The following PGM2 variants were observed in gnomAD, a reference collection of about 807,000 sequenced individuals.
PGM2 encodes the protein phosphoglucomutase 2.
Under a neutral mutation model 74.6 loss-of-function variants are expected in PGM2, and 57 were observed. The observed-to-expected ratio is 0.76, with a 90% CI of 0.62 to 0.95. The LOEUF (loss-of-function observed/expected upper bound fraction) is 0.95, where lower values mean the gene tolerates loss of function less well. Ranked by LOEUF, PGM2 falls within the 40% of genes least tolerant of loss-of-function variation. PGM2 has a pLI of 0.00. For synonymous variants in PGM2, 273 were observed against 260.7 expected (o/e 1.05, Z -0.46); for missense variants, 706 against 741.9 (o/e 0.95, Z 0.56).
intron 2 of PGM2, 68 bp from the exon 3 acceptor site, chr4:37,834,550 A>C (rs1725515275): frequency 1.3e-5 from 10 of 781,196 alleles, no homozygotes; most frequent in Middle Eastern, 2.5e-4. Flanking sequence ...ATTTTTGGCT[A>C]ATTTTTCTAT....
At chr4:37,831,565 T>C (rs928286894) in intron 2 of PGM2, among the ~76,000 whole-genome samples, 1 of 152,206 alleles carries the variant, frequency 6.6e-6, no homozygotes, top group Non-Finnish European at 1.5e-5. Flanking sequence ...TCTGAAATTA[T>C]TACTGGCTAT....
At chr4:37,844,214 T>C (rs1317380018) in intron 6 of PGM2, 150 bp from the exon 7 acceptor site, 1 of 536,230 alleles carries the variant, frequency 1.9e-6, no homozygotes, top group African/African-American at 1.9e-5. Context: ...AGGGAAGGAA[T>C]ATATATATCT....
intron 7 of PGM2, 62 bp downstream of exon 7, chr4:37,844,615 G>A: frequency 1.0e-6 from 1 of 998,700 alleles, no homozygotes; most frequent in Non-Finnish European, 1.5e-6. Flanking sequence ...TTACTGTCAA[G>A]TAAAATACAT....
chr4:37,845,819 T>G, intron 8 of PGM2, 89 bp downstream of exon 8: 1 of 836,614 alleles, frequency 1.2e-6, no homozygotes, highest in Non-Finnish European at 2.0e-6. Flanking sequence ...CGGGACCTAT[T>G]TGGAAACATT....
intron 13 of PGM2, 117 bp from the exon 14 acceptor site, chr4:37,861,393 T>A: frequency 1.6e-6 from 1 of 634,554 alleles, no homozygotes; most frequent in Non-Finnish European, 2.8e-6. Flanking sequence ...TTTTTTTTCC[T>A]ATTTAGTCCT....
rs1223965990 is a variant in PGM2 at position 37,840,964 on chromosome 4, G to GTGTA, written c.719+706_719+707insGTAT. 1.1e-4 allele frequency among the ~76,000 whole-genome samples: 15 copies of GTGTA among 140,014 alleles called. No homozygotes were observed. In the East Asian group the frequency reaches 1.6e-3, roughly 15 times the overall value. 91.9% of individuals were successfully genotyped at this position (140,014 alleles called of 152,430 possible). A position where few individuals can be genotyped will look rare whatever the true frequency, so the allele number is the denominator to read the frequency against. The stretch of plus-strand genomic sequence containing the variant: ...TACATGTAAGTGTGTGTGTGTGTGT[G>GTGTA]TATATATATATATATATATGTATGT... On this transcript the variant is annotated intron_variant, in intron 6 of 13. Coordinates refer to ENST00000381967, the MANE Select transcript of PGM2 (RefSeq NM_018290.4).
At chr4:37,858,893 T>G (rs1484546592) in intron 13 of PGM2, among the ~76,000 whole-genome samples, 1 of 152,170 alleles carries the variant, frequency 6.6e-6, no homozygotes, top group Non-Finnish European at 1.5e-5. Flanking sequence ...GGAATAAGAA[T>G]GCAGTGAATA....
chr4:37,848,270 A>G (rs1725931556), intron 10 of PGM2, among the ~76,000 whole-genome samples: 1 of 152,260 alleles, frequency 6.6e-6, no homozygotes, highest in Admixed American at 6.5e-5. Context: ...ATGAGCTGGA[A>G]GGAGTTTCAT....
chr4:37,848,628 G>A lies in PGM2; in HGVS notation c.1389G>A (p.Gln463=), dbSNP rs1350563592. The A allele has an allele frequency of 3.7e-6, 6 of 1,613,538 alleles. No individual in the cohort carries two copies. Among genetic ancestry groups the A allele is most frequent in the South Asian group, 3.3e-5 (3 of 91,058 alleles). The stretch of plus-strand genomic sequence containing the variant: ...CAACCAAGAATTTGTCTTTGTCTCA[G>A]CAACTAAAGGCCATTTATGTGGAGT... The part of the protein sequence containing the change: ...FLATKNLSLS[Q]QLKAIYVEYG... The change falls in exon 11 of 14, where the codon CAG becomes CAA. Residue 463 remains glutamine, a synonymous_variant. Coordinates refer to ENST00000381967, the MANE Select transcript of PGM2 (RefSeq NM_018290.4).
Position 37,862,332 on chromosome 4 carries a change from T to A in PGM2, c.*720T>A, listed in dbSNP as rs936656581. 2.0e-4 allele frequency: 31 copies of A among 152,294 alleles called. No individual in the cohort carries two copies. Among genetic ancestry groups the A allele is most frequent in the Admixed American group, 1.6e-3 (25 of 15,260 alleles). The allele number at this position is 152,294 out of a possible 1,614,324, so 9.4% of individuals were successfully genotyped here. A position where few individuals can be genotyped will look rare whatever the true frequency, so the allele number is the denominator to read the frequency against. On this transcript the variant is annotated 3_prime_UTR_variant, in exon 14 of 14. Transcript: ENST00000381967. ...GTTTACTTGAAACTTGAAAGTAGCATATTTTTCTGTTTTTTGGTTGTTTGT... is the reference window on the plus strand; with the variant it reads ...GTTTACTTGAAACTTGAAAGTAGCAAATTTTTCTGTTTTTTGGTTGTTTGT...
In PGM2 at chr4:37,829,997, A is replaced by G; in HGVS notation, c.115A>G (p.Ile39Val). ...SLTLEAVKRLIAEGNKEELRK... is the reference protein window; with the variant it reads ...SLTLEAVKRLVAEGNKEELRK... The stretch of plus-strand genomic sequence containing the variant: ...AACTTTGGAGGCAGTGAAACGACTA[A>G]TAGCAGAAGGTAATAAAGAAGAACT... Residue 39 changes from isoleucine (I) to valine (V), a missense_variant, in exon 2 of 14, where the codon ATA becomes GTA. Around this residue, in one of 3 missense-constraint regions of PGM2, gnomAD observed 332 missense variants for 334.9 expected, o/e 0.99. Coordinates refer to ENST00000381967, the MANE Select transcript of PGM2 (RefSeq NM_018290.4). 1 of 1,608,272 alleles carries G rather than the reference A, an allele frequency of 6.2e-7. No individual in the cohort carries two copies. Among genetic ancestry groups the G allele is most frequent in the Non-Finnish European group, 8.5e-7 (1 of 1,177,934 alleles).
At chr4:37,846,667 G>A (rs1725881388) in intron 8 of PGM2, among the ~76,000 whole-genome samples, 1 of 152,320 alleles carries the variant, frequency 6.6e-6, no homozygotes, top group East Asian at 1.9e-4. Context: ...TGTGTGTCAT[G>A]TGTGACATAC....
chr4:37,834,725 G>A lies in PGM2; in HGVS notation c.356+1G>A, dbSNP rs1321315255. 1.5e-6 allele frequency: 2 copies of A among 1,348,982 alleles called. No homozygotes were observed. The highest frequency in any genetic ancestry group is 2.1e-6 in the Non-Finnish European group (2 of 957,460). The allele number at this position is 1,348,982 out of a possible 1,614,324, so 83.6% of individuals were successfully genotyped here. ...CATCCAGTGGGGGTAGCAGCAGAAG[G>A]TATTTAAACATTTTTACAAAATGAT... is the stretch of plus-strand genomic sequence containing the variant. On this transcript the variant is annotated splice_donor_variant, in intron 3 of 13. Transcript: ENST00000381967. LOFTEE classifies it high-confidence loss of function.
chr4:37,840,972 A>ATG (rs1470982392), intron 6 of PGM2, among the ~76,000 whole-genome samples: 1 of 142,704 alleles, frequency 7.0e-6, no homozygotes, highest in Non-Finnish European at 1.5e-5. Flanking sequence ...GTGTATATAT[A>ATG]TATATATATA....
At chr4:37,860,362 C>A (rs1711725849) in intron 13 of PGM2, among the ~76,000 whole-genome samples, 1 of 152,218 alleles carries the variant, frequency 6.6e-6, no homozygotes, top group South Asian at 2.1e-4. Context: ...TTATTGAGGT[C>A]TTTGGGCCAG....
chr4:37,847,441 T>A (rs2152179077), intron 10 of PGM2, 146 bp downstream of exon 10: 1 of 600,032 alleles, frequency 1.7e-6, no homozygotes, highest in East Asian at 2.8e-5. Flanking sequence ...ACTCCAAAAT[T>A]GACATCTCAG....
intron 13 of PGM2, among the ~76,000 whole-genome samples, chr4:37,858,878 A>G (rs1577685600): frequency 6.6e-6 from 1 of 152,258 alleles, no homozygotes; most frequent in South Asian, 2.1e-4. Flanking sequence ...ACCTACAGAA[A>G]TGTTGGAATA....
rs1002380112 is a variant in PGM2, at chr4:37,861,957, G to C, written c.*345G>C. 2 of 184,156 alleles carry C rather than the reference G, an allele frequency of 1.1e-5. No individual in the cohort carries two copies. The highest frequency in any genetic ancestry group is 1.1e-4 in the Admixed American group (2 of 18,376). 11.4% of individuals were successfully genotyped at this position (184,156 alleles called of 1,614,324 possible). ...GTCCTCTCTGTAATTGTTTTAATGTGTGCTTGAAATATCCAGAAAACCTAT... is the reference window on the plus strand; with the variant it reads ...GTCCTCTCTGTAATTGTTTTAATGTCTGCTTGAAATATCCAGAAAACCTAT... On this transcript the variant is annotated 3_prime_UTR_variant, in exon 14 of 14. Transcript: ENST00000381967.
intron 10 of PGM2, 125 bp downstream of exon 10, chr4:37,847,420 C>CAA (rs1725907846): frequency 3.0e-6 from 2 of 661,350 alleles, no homozygotes; most frequent in South Asian, 3.7e-5. Flanking sequence ...GGTTGAATGT[C>CAA]GAACTGTCCT....
Sources: allele counts gnomAD v4.1 joint callset (sites outside exome capture counted in the v4.1 genomes callset), GRCh38; gene constraint gnomAD v4.1.1; regional missense constraint gnomAD v4.1.1; transcripts MANE v1.5; gene names NCBI Gene and HGNC (gene_info 2026-07-23, HGNC 2026-07-21).